WNT3: variants seen among roughly 807,000 people sequenced by gnomAD.
The protein encoded by WNT3 is proto-oncogene Wnt-3.
In WNT3, 7 loss-of-function variants were observed where a neutral mutation model predicts 34.2. The observed-to-expected ratio is 0.20, with a 90% CI of 0.12 to 0.38. The LOEUF (loss-of-function observed/expected upper bound fraction) is 0.38. WNT3 is among the 10% of genes least tolerant of loss of function. The probability of loss-of-function intolerance (pLI) is 1.00; values close to 1 mark genes in which losing one functional copy is unlikely to be tolerated. For missense variants in WNT3, 267 were observed against 499.8 expected (o/e 0.53, Z 4.44); for synonymous variants, 212 against 211.5 (o/e 1.00, Z -0.02).
chr17:46,810,243 G>T (rs958598373), intron 1 of WNT3, among the ~76,000 whole-genome samples: 2 of 151,972 alleles, frequency 1.3e-5, no homozygotes, highest in African/African-American at 2.4e-5. Context: ...CCTGACCTCA[G>T]GTGATCCACC....
At chr17:46,793,035 C>T (rs968190498) in intron 1 of WNT3, among the ~76,000 whole-genome samples, 5 of 150,816 alleles carry the variant, frequency 3.3e-5, no homozygotes, top group East Asian at 1.9e-4. Flanking sequence ...AAGGCCGAGG[C>T]GGGAGGAGCA....
Position 46,793,272 on chromosome 17 carries a change from T to TAAAAAAA in WNT3, c.81-19370_81-19364dup, listed in dbSNP as rs71138551. Among the ~76,000 whole-genome samples the TAAAAAAA allele has an allele frequency of 4.8e-4, 20 of 41,966 alleles. 2 individuals are homozygous for TAAAAAAA. Among genetic ancestry groups the TAAAAAAA allele is most frequent in the East Asian group, 3.1e-3 (3 of 964 alleles). 27.5% of individuals were successfully genotyped at this position (41,966 alleles called of 152,430 possible). On this transcript the variant is annotated intron_variant, in intron 1 of 4. Transcript: ENST00000225512. ...CTGGGCAACAGAGTGAGACCCTGTCTAAAAAAAAAAAAAAAAAAAAAAAAA... is the reference window on the plus strand; with the variant it reads ...CTGGGCAACAGAGTGAGACCCTGTCTAAAAAAAAAAAAAAAAAAAAAAAAAAAAAAAA...
chr17:46,804,919 AC>A (rs71138552), intron 1 of WNT3, among the ~76,000 whole-genome samples: 928 of 57,488 alleles, frequency 0.016, 13 homozygotes, highest in African/African-American at 0.052. Flanking sequence ...CTCCCCGCCC[AC>A]CCCCCCCACC....
At chr17:46,784,179 G>A (rs367949300) in intron 1 of WNT3, among the ~76,000 whole-genome samples, 14 of 152,160 alleles carry the variant, frequency 9.2e-5, no homozygotes, top group African/African-American at 3.1e-4. Context: ...ACTGGTAGCC[G>A]TTTGGTCCCA....
At chr17:46,803,266 G>C (rs1360326626) in intron 1 of WNT3, among the ~76,000 whole-genome samples, 2 of 152,206 alleles carry the variant, frequency 1.3e-5, no homozygotes, top group African/African-American at 4.8e-5. Context: ...AGGCGTAGCG[G>C]CTCACACCTG....
intron 1 of WNT3, among the ~76,000 whole-genome samples, chr17:46,802,054 G>T (rs116735097): frequency 1.3e-5 from 2 of 152,118 alleles, no homozygotes; most frequent in African/African-American, 4.8e-5. Context: ...TTGTGTGCTC[G>T]CCTGTACGCA....
chr17:46,804,689 G>A (rs1040714507), intron 1 of WNT3, among the ~76,000 whole-genome samples: 3 of 152,244 alleles, frequency 2.0e-5, no homozygotes, highest in Non-Finnish European at 4.4e-5. Flanking sequence ...GAGAAGGAAT[G>A]AGAGATGAGG....
intron 1 of WNT3, among the ~76,000 whole-genome samples, chr17:46,783,948 A>T (rs905561396): frequency 6.6e-6 from 1 of 152,192 alleles, no homozygotes; most frequent in Admixed American, 6.5e-5. Flanking sequence ...AAATGAGACA[A>T]GAGGTGGGTG....
intron 1 of WNT3, among the ~76,000 whole-genome samples, chr17:46,808,130 C>T (rs1281030222): frequency 6.6e-6 from 1 of 152,152 alleles, no homozygotes; most frequent in Non-Finnish European, 1.5e-5. Context: ...TTTACGCTAC[C>T]CTTTCTGTTT....
intron 1 of WNT3, among the ~76,000 whole-genome samples, chr17:46,804,896 G>T (rs1316170153): frequency 6.6e-6 from 1 of 151,916 alleles, no homozygotes; most frequent in African/African-American, 2.4e-5. Context: ...ACAAATGAGG[G>T]AATAAAAGCT....
At chr17:46,765,958 G>A (rs903441810) in intron 4 of WNT3, among the ~76,000 whole-genome samples, 1 of 152,250 alleles carries the variant, frequency 6.6e-6, no homozygotes, top group Non-Finnish European at 1.5e-5. Context: ...TGGTCACAGA[G>A]TGAGGCCTCC....
intron 1 of WNT3, among the ~76,000 whole-genome samples, chr17:46,811,887 G>A (rs1298814767): frequency 6.6e-6 from 1 of 152,164 alleles, no homozygotes; most frequent in African/African-American, 2.4e-5. Flanking sequence ...AACTCGGGAG[G>A]CAGAAGTTGC....
At chr17:46,807,248 C>T (rs2084209501) in intron 1 of WNT3, among the ~76,000 whole-genome samples, 1 of 152,266 alleles carries the variant, frequency 6.6e-6, no homozygotes, top group South Asian at 2.1e-4. Context: ...TTTGGGAGGC[C>T]GAGGCAGGTG....
intron 1 of WNT3, among the ~76,000 whole-genome samples, chr17:46,788,193 T>C (rs1340321615): frequency 6.6e-6 from 1 of 152,238 alleles, no homozygotes; most frequent in Non-Finnish European, 1.5e-5. Flanking sequence ...CTTGGCCATC[T>C]GTTTCTTTGC....
chr17:46,767,778 T>TG (rs2059326605), intron 4 of WNT3, among the ~76,000 whole-genome samples: 2 of 151,840 alleles, frequency 1.3e-5, no homozygotes, highest in African/African-American at 4.9e-5. Context: ...ATTTTGTTTT[T>TG]TTTTGTTTGT....
chr17:46,783,130 G>A (rs2059476086), intron 1 of WNT3, among the ~76,000 whole-genome samples: 2 of 152,204 alleles, frequency 1.3e-5, no homozygotes, highest in Admixed American at 6.5e-5. Context: ...AGCAGGGGTG[G>A]GAGCACCCTT....
chr17:46,783,978 G>A (rs1397244629), intron 1 of WNT3, among the ~76,000 whole-genome samples: 3 of 152,198 alleles, frequency 2.0e-5, no homozygotes, highest in Non-Finnish European at 4.4e-5. Flanking sequence ...CGGCTGGGAG[G>A]CGGGGTTGAC....
At chr17:46,779,852 A>G (rs142817199) in intron 1 of WNT3, among the ~76,000 whole-genome samples, 149,270 of 152,202 alleles carry the variant, frequency 0.98, 73,256 homozygotes, top group East Asian at 1. Flanking sequence ...TCTGCCTCCC[A>G]AGTTCAAGTG....
At chr17:46,787,985 T>C (rs929311534) in intron 1 of WNT3, among the ~76,000 whole-genome samples, 6 of 144,942 alleles carry the variant, frequency 4.1e-5, no homozygotes, top group Non-Finnish European at 7.6e-5. Flanking sequence ...AGATGTAGCC[T>C]CCACCCTCCT....
Sources: gnomAD v4.1 joint callset for allele counts (sites outside exome capture counted in the v4.1 genomes callset) on GRCh38, gnomAD v4.1.1 for gene constraint, MANE v1.5 for transcripts, NCBI Gene and HGNC (gene_info 2026-07-23, HGNC 2026-07-21) for gene names.